The following FZD10 variants were observed in gnomAD, a reference collection of about 807,000 sequenced individuals.
The protein encoded by FZD10 is frizzled class receptor 10.
FZD10 carries 14 observed loss-of-function variants against 24.4 expected under a neutral mutation model. The ratio of observed to expected loss-of-function variants is 0.57; its 90% CI spans 0.38 to 0.90. The LOEUF is 0.90. Ranked by LOEUF, FZD10 falls within the 40% of genes least tolerant of loss-of-function variation. The pLI, the probability that FZD10 is intolerant of heterozygous loss-of-function variation, is 0.00. For synonymous variants in FZD10, 381 were observed against 349.1 expected, an observed-to-expected ratio of 1.09 and a Z score of -1.02; for missense variants, 775 against 816.6, an observed-to-expected ratio of 0.95 and a Z score of 0.62.
chr12:130,163,356 C>T lies in FZD10; in HGVS notation c.414C>T (p.Pro138=). 1 of 1,612,942 alleles carries T rather than the reference C, an allele frequency of 6.2e-7. No homozygotes were observed. ...ACTCCCTGGACTGCCGGAAACTCCCCAACAAGAACGACCCCAACTACCTGT... is the reference window on the plus strand; with the variant it reads ...ACTCCCTGGACTGCCGGAAACTCCCTAACAAGAACGACCCCAACTACCTGT... ...WPDSLDCRKL[P]NKNDPNYLCM... The change falls in exon 1 of 1, where the codon CCC becomes CCT. Residue 138 remains proline (P), a synonymous_variant. Coordinates refer to ENST00000229030, the MANE Select transcript of FZD10 (RefSeq NM_007197.4).
Position 130,164,915 on chromosome 12 carries a change from A to T in FZD10, c.*227A>T. ...TTTTCCAGCGAAGGGAAGCTCCTCC[A>T]GTGAAGTAGCCTCTTGTGTAACTAA... is the stretch of plus-strand genomic sequence containing the variant. On this transcript the variant is annotated 3_prime_UTR_variant, in exon 1 of 1. Transcript: ENST00000229030. The surrounding 1 kb of genome is among the most constrained non-coding windows in gnomAD (Gnocchi z 5.3). 2.1e-6 allele frequency: 1 copy of T among 471,336 alleles called. No individual in the cohort carries two copies. The highest frequency in any genetic ancestry group is 4.7e-5 in the South Asian group (1 of 21,456). The allele number at this position is 471,336 out of a possible 1,614,324, so 29.2% of individuals were successfully genotyped here.
chr12:130,163,197 C>G lies in FZD10; in HGVS notation c.255C>G (p.Phe85Leu). 6.2e-7 allele frequency: 1 copy of G among 1,612,988 alleles called. No homozygotes were observed. Among genetic ancestry groups the G allele is most frequent in the Non-Finnish European group, 8.5e-7 (1 of 1,179,958 alleles). ...ACGGCTGCCACGGCCACCTCCGCTT[C>G]TTCCTGTGCTCGCTGTACGCGCCGA... ...VEYGCHGHLR[F>L]FLCSLYAPMC... The change falls in exon 1 of 1, where the codon TTC (phenylalanine) becomes TTG (leucine). Residue 85 changes from phenylalanine to leucine, a missense_variant. Transcript: ENST00000229030.
In FZD10 at chr12:130,164,902, G is replaced by A; in HGVS notation, c.*214G>A. On this transcript the variant is annotated 3_prime_UTR_variant, in exon 1 of 1. Transcript: ENST00000229030. This position sits in a 1 kb window ranked among gnomAD's most constrained non-coding sequence, Gnocchi z 5.3. Reference sequence around the variant, plus strand: ...TGTTTTGTTTTGGTTTTCCAGCGAAGGGAAGCTCCTCCAGTGAAGTAGCCT... The same window carrying A: ...TGTTTTGTTTTGGTTTTCCAGCGAAAGGAAGCTCCTCCAGTGAAGTAGCCT... 2.1e-6 allele frequency: 1 copy of A among 477,682 alleles called. No individual in the cohort carries two copies. 29.6% of individuals were successfully genotyped at this position (477,682 alleles called of 1,614,324 possible). A position where few individuals can be genotyped will look rare whatever the true frequency, so the allele number is the denominator to read the frequency against.
Position 130,164,089 on chromosome 12 carries a change from G to C in FZD10, c.1147G>C (p.Val383Leu). The C allele has an allele frequency of 6.2e-7, 1 of 1,613,648 alleles. No individual in the cohort carries two copies. The highest frequency in any genetic ancestry group is 8.5e-7 in the Non-Finnish European group (1 of 1,179,956). ...RRVAGDELTG[V>L]CYVGSMDVNA... is the part of the protein sequence containing the mutation. The stretch of plus-strand genomic sequence containing the variant: ...GGTGGCGGGGGACGAGCTCACCGGG[G>C]TCTGCTACGTGGGCAGCATGGACGT... Residue 383 changes from valine (V) to leucine (L), a missense_variant, in exon 1 of 1, where the codon GTC becomes CTC. Val to Leu is a conservative substitution (Grantham distance 32). Transcript: ENST00000229030. This position sits in a 1 kb window ranked among gnomAD's most constrained non-coding sequence, Gnocchi z 5.3.
rs1450300857 is a variant in FZD10 at position 130,165,007 on chromosome 12, C to G, written c.*319C>G. ...TTGTTTAGAGCCCTCCCTAAATATA[C>G]ATCTGTGTATTTGAGTTGGCTTTGC... On this transcript the variant is annotated 3_prime_UTR_variant, in exon 1 of 1. Transcript: ENST00000229030. 1 of 241,672 alleles carries G rather than the reference C, an allele frequency of 4.1e-6. No homozygotes were observed. Among genetic ancestry groups the G allele is most frequent in the African/African-American group, 2.3e-5 (1 of 43,912 alleles). 15.0% of individuals were successfully genotyped at this position (241,672 alleles called of 1,614,324 possible).
rs767950238 is a variant in FZD10, at chr12:130,164,212, C to G, written c.1270C>G (p.Arg424Gly). 2 of 1,614,112 alleles carry G rather than the reference C, an allele frequency of 1.2e-6. No individual in the cohort carries two copies. The highest frequency in any genetic ancestry group is 1.7e-6 in the Non-Finnish European group (2 of 1,180,036). ...LSGFVALFHI[R>G]RVMKTGGENT... ...GGGCTTCGTGGCCCTGTTCCACATC[C>G]GGAGGGTGATGAAGACGGGCGGCGA... Residue 424 changes from arginine to glycine, a missense_variant, in exon 1 of 1, where the codon CGG becomes GGG. Coordinates refer to ENST00000229030, the MANE Select transcript of FZD10 (RefSeq NM_007197.4). The surrounding 1 kb of genome is among the most constrained non-coding windows in gnomAD (Gnocchi z 5.3).
rs147189512 is a variant in FZD10 at position 130,163,835 on chromosome 12, A to C, written c.893A>C (p.Tyr298Ser). ...IACDRDSGQLYVIQEGLESTG... is the reference protein window; with the variant it reads ...IACDRDSGQLSVIQEGLESTG... ...TGCGACCGGGACAGCGGCCAGCTCT[A>C]TGTCATCCAGGAGGGACTGGAGAGC... The change falls in exon 1 of 1, where the codon TAT becomes TCT. Residue 298 changes from tyrosine (Y) to serine (S), a missense_variant. By Grantham distance (144) the Tyr-to-Ser change is moderately radical (BLOSUM62 -2). Transcript: ENST00000229030. 281 of 1,613,826 alleles carry C rather than the reference A, an allele frequency of 1.7e-4. No individual in the cohort carries two copies. In the Middle Eastern group the frequency reaches 2.0e-3, roughly 11 times the overall value.
chr12:130,164,786 TAAAA>T lies in FZD10; in HGVS notation c.*99_*102del. 1.2e-6 allele frequency: 1 copy of T among 844,866 alleles called. No individual in the cohort carries two copies. The highest frequency in any genetic ancestry group is 1.8e-6 in the Non-Finnish European group (1 of 560,572). 52.3% of individuals were successfully genotyped at this position (844,866 alleles called of 1,614,324 possible). On this transcript the variant is annotated 3_prime_UTR_variant, in exon 1 of 1. Coordinates refer to ENST00000229030, the MANE Select transcript of FZD10 (RefSeq NM_007197.4). The surrounding 1 kb of genome is among the most constrained non-coding windows in gnomAD (Gnocchi z 5.3). ...TCTTCTTCTTCTTTTTTTTTTTTTA[TAAAA>T]GCAAAAGAGAAATACATAAAAAAGT...
At position 130,162,800 on chromosome 12, in the gene FZD10, G is replaced by C. The variant is rs1169730001; in HGVS notation, c.-143G>C. 4 of 429,188 alleles carry C rather than the reference G, an allele frequency of 9.3e-6. No homozygotes were observed. Among genetic ancestry groups the C allele is most frequent in the Admixed American group, 4.7e-5 (1 of 21,256 alleles). 26.6% of individuals were successfully genotyped at this position (429,188 alleles called of 1,614,324 possible). A position where few individuals can be genotyped will look rare whatever the true frequency, so the allele number is the denominator to read the frequency against. The stretch of plus-strand genomic sequence containing the variant: ...CGCGGAGAGCCGAGCCGGGGGCGCT[G>C]TGCGCAGCGCTCGGGCCAGGCCGGG... On this transcript the variant is annotated 5_prime_UTR_variant, in exon 1 of 1. Coordinates refer to ENST00000229030, the MANE Select transcript of FZD10 (RefSeq NM_007197.4).
chr12:130,163,866 C>T lies in FZD10; in HGVS notation c.924C>T (p.Gly308=). The T allele has an allele frequency of 1.9e-6, 3 of 1,613,970 alleles. No homozygotes were observed. The highest frequency in any genetic ancestry group is 2.5e-6 in the Non-Finnish European group (3 of 1,180,040). ...YVIQEGLEST[G]CTLVFLVLYY... is the part of the protein sequence containing the mutation. The stretch of plus-strand genomic sequence containing the variant: ...TCCAGGAGGGACTGGAGAGCACCGG[C>T]TGCACGCTGGTCTTCCTGGTCCTCT... The change falls in exon 1 of 1, where the codon GGC becomes GGT. Residue 308 remains glycine, a synonymous_variant. Coordinates refer to ENST00000229030, the MANE Select transcript of FZD10 (RefSeq NM_007197.4).
rs1439601423 is a variant in FZD10 at position 130,163,720 on chromosome 12, G to A, written c.778G>A (p.Glu260Lys). The A allele has an allele frequency of 6.8e-6, 11 of 1,613,826 alleles. No individual in the cohort carries two copies. Among genetic ancestry groups the A allele is most frequent in the Non-Finnish European group, 9.3e-6 (11 of 1,180,032 alleles). Residue 260 changes from glutamate (E) to lysine (K), a missense_variant, in exon 1 of 1, where the codon GAG becomes AAG. Glu to Lys is a moderately conservative substitution (Grantham distance 56, BLOSUM62 1). Coordinates refer to ENST00000229030, the MANE Select transcript of FZD10 (RefSeq NM_007197.4). ...CGACCCGGCCCGCTTCCGCTACCCC[G>A]AGCGCCCCATCATCTTCCTCTCCAT... The part of the protein sequence containing the change: ...LIDPARFRYP[E>K]RPIIFLSMCY...
chr12:130,164,027 C>T lies in FZD10; in HGVS notation c.1085C>T (p.Pro362Leu). 2 of 1,613,754 alleles carry T rather than the reference C, an allele frequency of 1.2e-6. No homozygotes were observed. Among genetic ancestry groups the T allele is most frequent in the Non-Finnish European group, 1.7e-6 (2 of 1,180,038 alleles). ...SYFHLAAWAI[P>L]AVKTILILVM... The stretch of plus-strand genomic sequence containing the variant: ...TTCCACCTGGCAGCCTGGGCCATCC[C>T]GGCGGTGAAGACCATCCTGATCCTG... Residue 362 changes from proline to leucine, a missense_variant, in exon 1 of 1, where the codon CCG becomes CTG. Transcript: ENST00000229030. This position sits in a 1 kb window ranked among gnomAD's most constrained non-coding sequence, Gnocchi z 5.3.
chr12:130,164,681 G>A lies in FZD10; in HGVS notation c.1739G>A (p.Cys580Tyr), dbSNP rs1344164778. 1.2e-6 allele frequency: 2 copies of A among 1,603,040 alleles called. No homozygotes were observed. Among genetic ancestry groups the A allele is most frequent in the Non-Finnish European group, 1.7e-6 (2 of 1,174,664 alleles). Residue 580 changes from cysteine (C) to tyrosine (Y), a missense_variant, in exon 1 of 1, where the codon TGC (cysteine) becomes TAC (tyrosine). Coordinates refer to ENST00000229030, the MANE Select transcript of FZD10 (RefSeq NM_007197.4). This position sits in a 1 kb window ranked among gnomAD's most constrained non-coding sequence, Gnocchi z 5.3. ...GAGATCCCTGCCCAGTCGCCCACCTGCGTGTGAACAGGGCTGGAGGGAAGG... is the reference window on the plus strand; with the variant it reads ...GAGATCCCTGCCCAGTCGCCCACCTACGTGTGAACAGGGCTGGAGGGAAGG... ...KYEIPAQSPT[C>Y]V
Position 130,164,730 on chromosome 12 carries a change from A to T in FZD10, c.*42A>T. ...GGGCACAGGGGCGCCCGGAGCTAAG[A>T]TGTGGTGCTTTTCTTGGTTGTGTTT... On this transcript the variant is annotated 3_prime_UTR_variant, in exon 1 of 1. Coordinates refer to ENST00000229030, the MANE Select transcript of FZD10 (RefSeq NM_007197.4). This position sits in a 1 kb window ranked among gnomAD's most constrained non-coding sequence, Gnocchi z 5.3. 3 of 1,346,930 alleles carry T rather than the reference A, an allele frequency of 2.2e-6. No homozygotes were observed. Among genetic ancestry groups the T allele is most frequent in the Non-Finnish European group, 3.0e-6 (3 of 986,082 alleles). The allele number at this position is 1,346,930 out of a possible 1,614,324, so 83.4% of individuals were successfully genotyped here. A position where few individuals can be genotyped will look rare whatever the true frequency, so the allele number is the denominator to read the frequency against.
chr12:130,164,675 C>T lies in FZD10; in HGVS notation c.1733C>T (p.Pro578Leu), dbSNP rs549928081. The change falls in exon 1 of 1, where the codon CCC becomes CTC. Residue 578 changes from proline (P) to leucine (L), a missense_variant. Physicochemically the swap from Pro to Leu is moderately conservative, Grantham distance 98. Transcript: ENST00000229030. The surrounding 1 kb of genome is among the most constrained non-coding windows in gnomAD (Gnocchi z 5.3). ...HGKYEIPAQS[P>L]TCV is the part of the protein sequence containing the mutation. ...AAATATGAGATCCCTGCCCAGTCGC[C>T]CACCTGCGTGTGAACAGGGCTGGAG... 4 of 1,604,810 alleles carry T rather than the reference C, an allele frequency of 2.5e-6. No homozygotes were observed. In the African/African-American group the frequency reaches 5.3e-5, roughly 21 times the overall value.
chr12:130,163,964 A>C lies in FZD10; in HGVS notation c.1022A>C (p.Lys341Thr), dbSNP rs1225352116. Reference protein sequence around the residue: ...TLTWFLAAGKKWGHEAIEANS... With the variant: ...TLTWFLAAGKTWGHEAIEANS... ...ACCTGGTTCCTGGCCGCCGGCAAGA[A>C]GTGGGGCCACGAGGCCATCGAAGCC... Residue 341 changes from lysine to threonine, a missense_variant, in exon 1 of 1, where the codon AAG becomes ACG. Transcript: ENST00000229030. 2 of 1,613,782 alleles carry C rather than the reference A, an allele frequency of 1.2e-6. No homozygotes were observed. Among genetic ancestry groups the C allele is most frequent in the East Asian group, 4.5e-5 (2 of 44,868 alleles).
At position 130,163,675 on chromosome 12, in the gene FZD10, A is replaced by T. The variant is rs1343443219; in HGVS notation, c.733A>T (p.Thr245Ser). ...GCTGTGCTTCTTCTCCAGCGCCTTC[A>T]CCGTGCTCACCTTCCTCATCGACCC... ...AVLCFFSSAF[T>S]VLTFLIDPAR... The change falls in exon 1 of 1, where the codon ACC (threonine) becomes TCC (serine). Residue 245 changes from threonine (T) to serine (S), a missense_variant. By Grantham distance (58) the Thr-to-Ser change is moderately conservative. Transcript: ENST00000229030. 2.5e-6 allele frequency: 4 copies of T among 1,613,422 alleles called. No homozygotes were observed. Among genetic ancestry groups the T allele is most frequent in the Admixed American group, 1.7e-5 (1 of 60,020 alleles).
rs1022491989 is a variant in FZD10 at position 130,162,845 on chromosome 12, G to A, written c.-98G>A. On this transcript the variant is annotated 5_prime_UTR_variant, in exon 1 of 1. Transcript: ENST00000229030. Reference sequence around the variant, plus strand: ...GCCGGGCGGGCATGGGCGGGGGCCCGAGCAGGGGTGGAGAGCCGGGGCCAG... The same window carrying A: ...GCCGGGCGGGCATGGGCGGGGGCCCAAGCAGGGGTGGAGAGCCGGGGCCAG... The A allele has an allele frequency of 5.7e-5, 52 of 907,648 alleles. No homozygotes were observed. The highest frequency in any genetic ancestry group is 7.8e-5 in the Non-Finnish European group (51 of 651,488). 56.2% of individuals were successfully genotyped at this position (907,648 alleles called of 1,614,324 possible).
At position 130,162,592 on chromosome 12, in the gene FZD10, C is replaced by A. The variant is rs1871680828; in HGVS notation, c.-351C>A. ...TGGGCCGGCCTCGGTGTGCCCGCGC[C>A]GCCAGCCCGCTCCAGACGCGCCACC... On this transcript the variant is annotated 5_prime_UTR_variant, in exon 1 of 1. Transcript: ENST00000229030. The A allele has an allele frequency of 6.3e-6, 1 of 157,954 alleles. No homozygotes were observed. Among genetic ancestry groups the A allele is most frequent in the East Asian group, 1.8e-4 (1 of 5,562 alleles). The allele number at this position is 157,954 out of a possible 1,614,324, so 9.8% of individuals were successfully genotyped here. A position where few individuals can be genotyped will look rare whatever the true frequency, so the allele number is the denominator to read the frequency against.
Sources: allele counts gnomAD v4.1 joint callset, GRCh38; gene constraint gnomAD v4.1.1; non-coding constraint Gnocchi (gnomAD v3.1); transcripts MANE v1.5; gene names NCBI Gene and HGNC (gene_info 2026-07-23, HGNC 2026-07-21).